The following SLC36A1 variants were observed in gnomAD, a reference collection of about 807,000 sequenced individuals.
The protein encoded by SLC36A1 is proton-coupled amino acid transporter 1.
In SLC36A1, 30 loss-of-function variants were observed where a neutral mutation model predicts 47.5. That is an observed-to-expected ratio of 0.63 (90% CI 0.47 to 0.86). The LOEUF (loss-of-function observed/expected upper bound fraction) is 0.86. SLC36A1 is among the 40% of genes least tolerant of loss of function. The pLI is 0.00. For missense variants in SLC36A1, 517 were observed against 606.0 expected (o/e 0.85, Z 1.54); for synonymous variants, 255 against 249.7 (o/e 1.02, Z -0.20).
chr5:151,364,399 A>G, the SLC36A1 span, among the ~76,000 whole-genome samples: 1 of 152,164 alleles, frequency 6.6e-6, no homozygotes, highest in East Asian at 1.9e-4. Flanking sequence ...AAACTGCCAA[A>G]CTGCTTTTCA....
chr5:151,539,194 T>C, the SLC36A1 span, among the ~76,000 whole-genome samples: 1 of 152,216 alleles, frequency 6.6e-6, no homozygotes, highest in African/African-American at 2.4e-5. Context: ...TATGGTCATC[T>C]TGGATCCTGA....
At chr5:151,517,746 A>G in the SLC36A1 span, 1 of 1,614,114 alleles carries the variant, frequency 6.2e-7, no homozygotes, top group Non-Finnish European at 8.5e-7. Context: ...AGCTCTGACC[A>G]CTGAACCTTG....
chr5:151,438,113 T>C (rs998774193), intron 1 of SLC36A1, among the ~76,000 whole-genome samples: 2 of 152,200 alleles, frequency 1.3e-5, no homozygotes, highest in Admixed American at 6.5e-5. Context: ...TCCCTTTTGC[T>C]ATCTAAGGTA....
At chr5:151,554,476 G>A in the SLC36A1 span, 3 of 1,614,196 alleles carry the variant, frequency 1.9e-6, no homozygotes. Flanking sequence ...AGGTGACTCT[G>A]CCATTAAGAC....
the SLC36A1 span, chr5:151,505,860 A>T: frequency 6.2e-7 from 1 of 1,609,584 alleles, no homozygotes; most frequent in East Asian, 2.2e-5. Context: ...CCGAGAGGGC[A>T]TCAGATCTTC....
chr5:151,360,491 G>A, the SLC36A1 span, among the ~76,000 whole-genome samples: 3 of 152,122 alleles, frequency 2.0e-5, no homozygotes, highest in Non-Finnish European at 4.4e-5. Flanking sequence ...GGAGGAGGAG[G>A]AAAAGGAGGG....
upstream of SLC36A1, among the ~76,000 whole-genome samples, chr5:151,442,781 A>C (rs1361849198): frequency 6.6e-6 from 1 of 151,758 alleles, no homozygotes; most frequent in African/African-American, 2.4e-5. Flanking sequence ...TCTCAGCTGC[A>C]TTTCTCCACT....
At position 151,491,978 on chromosome 5, in the gene SLC36A1, A is replaced by G. The variant is rs966749107; in HGVS notation, c.*3724A>G. The G allele has an allele frequency of 4.6e-5, 7 of 152,218 alleles. No homozygotes were observed. The highest frequency in any genetic ancestry group is 1.7e-4 in the African/African-American group (7 of 41,434). 9.4% of individuals were successfully genotyped at this position (152,218 alleles called of 1,614,324 possible). On this transcript the variant is annotated 3_prime_UTR_variant, in exon 11 of 11. Transcript: ENST00000243389. ...ACATTTCTTCTCTTTCCTTTGTGCC[A>G]CTGAGTCGTTCCCTGGCCAGAGGAC... is the stretch of plus-strand genomic sequence containing the variant.
At chr5:151,451,592 T>A (rs1433435847) in intron 1 of SLC36A1, among the ~76,000 whole-genome samples, 1 of 152,224 alleles carries the variant, frequency 6.6e-6, no homozygotes, top group Non-Finnish European at 1.5e-5. Flanking sequence ...ATAATCACAA[T>A]TGCTATCATT....
chr5:151,487,907 A>G, intron 10 of SLC36A1, 76 bp from the exon 11 acceptor site: 2 of 1,525,406 alleles, frequency 1.3e-6, no homozygotes, highest in Non-Finnish European at 1.8e-6. Flanking sequence ...ACAGATGCTG[A>G]ATTCGCTCAA....
chr5:151,360,878 C>T, the SLC36A1 span, among the ~76,000 whole-genome samples: 2 of 152,230 alleles, frequency 1.3e-5, no homozygotes, highest in South Asian at 4.1e-4. Flanking sequence ...ATTCCTCTGG[C>T]ATGGTGTCTA....
At chr5:151,507,341 G>T in the SLC36A1 span, 3 of 1,614,174 alleles carry the variant, frequency 1.9e-6, no homozygotes, top group South Asian at 3.3e-5. Context: ...GGTTGTTGCA[G>T]GAGCTGGCAC....
the SLC36A1 span, chr5:151,378,337 C>T: frequency 2.0e-5 from 4 of 196,142 alleles, no homozygotes; most frequent in East Asian, 1.2e-4. Flanking sequence ...CCATCCTCCT[C>T]GTCTGTTAAA....
At chr5:151,494,410 T>A (rs1015559179), downstream of SLC36A1, among the ~76,000 whole-genome samples, 3 of 152,226 alleles carry the variant, frequency 2.0e-5, no homozygotes, top group Non-Finnish European at 2.9e-5. Flanking sequence ...AGATACAGAA[T>A]GTTTCCTTTG....
downstream of SLC36A1, among the ~76,000 whole-genome samples, chr5:151,493,687 C>T (rs143399047): frequency 5.3e-5 from 8 of 152,320 alleles, no homozygotes; most frequent in East Asian, 1.9e-4. Flanking sequence ...TTAGCAGCTA[C>T]GCCAAGCCAC....
chr5:151,510,270 T>C, the SLC36A1 span: 2 of 1,378,444 alleles, frequency 1.5e-6, no homozygotes, highest in Admixed American at 3.7e-5. Flanking sequence ...AGCCGTTCAG[T>C]TACCATTTAT....
chr5:151,363,109 A>AT, the SLC36A1 span, among the ~76,000 whole-genome samples: 11 of 151,966 alleles, frequency 7.2e-5, no homozygotes, highest in Admixed American at 2.0e-4. Flanking sequence ...TACCTGTTGA[A>AT]TTTTTTCCCT....
the SLC36A1 span, among the ~76,000 whole-genome samples, chr5:151,371,894 A>G: frequency 9.9e-5 from 15 of 151,994 alleles, no homozygotes; most frequent in Non-Finnish European, 1.2e-4. Flanking sequence ...TGGGAGCGGG[A>G]GACAGGGAAA....
rs113370510 is a variant in SLC36A1, at chr5:151,478,936, A to G, written c.990-384A>G. The stretch of plus-strand genomic sequence containing the variant: ...ACTGTCCCCATGATAGTGATATGCT[A>G]TATCATGTGATAGAGTGATATATCA... On this transcript the variant is annotated intron_variant, in intron 9 of 10. Coordinates refer to ENST00000243389, the MANE Select transcript of SLC36A1 (RefSeq NM_078483.4). Among the ~76,000 whole-genome samples, 617 of 152,286 alleles carry G rather than the reference A, an allele frequency of 4.1e-3. 5 individuals carry two copies. Among genetic ancestry groups the G allele is most frequent in the South Asian group, 0.015 (72 of 4,822 alleles).
Sources: gnomAD v4.1 joint callset for allele counts (sites outside exome capture counted in the v4.1 genomes callset) on GRCh38, gnomAD v4.1.1 for gene constraint, MANE v1.5 for transcripts, NCBI Gene and HGNC (gene_info 2026-07-23, HGNC 2026-07-21) for gene names.